Variants in CWC27 observed in about 807,000 individuals in gnomAD.
CWC27 encodes spliceosome-associated protein CWC27 homolog.
In CWC27, 47 loss-of-function variants were observed where a neutral mutation model predicts 63.6. The observed-to-expected ratio is 0.74, with a 90% confidence interval of 0.58 to 0.94. The LOEUF (loss-of-function observed/expected upper bound fraction) is 0.94, where lower values mean the gene tolerates loss of function less well. Ranked by LOEUF, CWC27 falls within the 40% of genes least tolerant of loss-of-function variation. The pLI, the probability that CWC27 is intolerant of heterozygous loss-of-function variation, is 0.00. For missense variants in CWC27, 495 were observed against 554.3 expected (o/e 0.89, Z 1.07); for synonymous variants, 175 against 179.8 (o/e 0.97, Z 0.22).
rs141017155 is a variant in CWC27 at position 64,804,368 on chromosome 5, A to T, written c.920A>T (p.Lys307Met). The T allele has an allele frequency of 1.7e-5, 27 of 1,611,794 alleles. No individual in the cohort carries two copies. In the African/African-American group the frequency reaches 3.1e-4, roughly 18 times the overall value. ...TCAGCTGGAGAAGGAGAAGTGGAGAAGAAATCAGTCAGCCGCAGGTGAGTC... is the reference window on the plus strand; with the variant it reads ...TCAGCTGGAGAAGGAGAAGTGGAGATGAAATCAGTCAGCCGCAGGTGAGTC... ...VKSAGEGEVE[K>M]KSVSRSEELR... The change falls in exon 10 of 14, where the codon AAG becomes ATG. Residue 307 changes from lysine (K) to methionine (M), a missense_variant. Transcript: ENST00000381070.
intron 11 of CWC27, among the ~76,000 whole-genome samples, chr5:64,968,807 A>G (rs1428118381): frequency 6.6e-6 from 1 of 152,240 alleles, no homozygotes; most frequent in Non-Finnish European, 1.5e-5. Context: ...CACATTTTAT[A>G]TACAAAATTA....
chr5:64,870,319 G>A (rs1408503246), intron 10 of CWC27, among the ~76,000 whole-genome samples: 1 of 151,978 alleles, frequency 6.6e-6, no homozygotes, highest in Non-Finnish European at 1.5e-5. Context: ...ACACCCTGTG[G>A]TAAAATTTAT....
chr5:64,878,097 A>G (rs916728464), intron 10 of CWC27, among the ~76,000 whole-genome samples: 3 of 151,856 alleles, frequency 2.0e-5, no homozygotes, highest in African/African-American at 7.2e-5. Context: ...TACTTAAACT[A>G]TTTTTCTGTG....
intron 13 of CWC27, among the ~76,000 whole-genome samples, chr5:64,982,194 C>G (rs1749340977): frequency 6.6e-6 from 1 of 152,142 alleles, no homozygotes. Context: ...TTATAAGATA[C>G]CATGAAAGAA....
At chr5:64,770,645 A>G (rs1238164530) in intron 1 of CWC27, among the ~76,000 whole-genome samples, 1 of 152,202 alleles carries the variant, frequency 6.6e-6, no homozygotes, top group Non-Finnish European at 1.5e-5. Context: ...CCCCCTATAG[A>G]ATGTAAGGAA....
At chr5:64,846,419 G>A (rs906516896) in intron 10 of CWC27, among the ~76,000 whole-genome samples, 2 of 152,218 alleles carry the variant, frequency 1.3e-5, no homozygotes, top group Admixed American at 6.5e-5. Context: ...AAAAAGTATA[G>A]AATTGTTGTA....
chr5:64,783,156 G>A (rs114135249), intron 3 of CWC27, among the ~76,000 whole-genome samples: 194 of 152,280 alleles, frequency 1.3e-3, no homozygotes, highest in African/African-American at 4.4e-3. Context: ...AAGCATTTAT[G>A]ATATAACATG....
At chr5:64,864,670 A>G (rs1478903516) in intron 10 of CWC27, among the ~76,000 whole-genome samples, 1 of 152,134 alleles carries the variant, frequency 6.6e-6, no homozygotes, top group Non-Finnish European at 1.5e-5. Context: ...TTTTTACTTA[A>G]GTTGTTTTTA....
chr5:64,859,206 T>C (rs1010627643), intron 10 of CWC27, among the ~76,000 whole-genome samples: 4 of 152,108 alleles, frequency 2.6e-5, no homozygotes, highest in Non-Finnish European at 5.9e-5. Flanking sequence ...TTGTTAGAAG[T>C]AGCAACTAAT....
intron 10 of CWC27, among the ~76,000 whole-genome samples, chr5:64,811,542 T>C (rs1744878943): frequency 1.3e-5 from 2 of 152,060 alleles, no homozygotes; most frequent in Non-Finnish European, 2.9e-5. Context: ...ATCACAATCA[T>C]TAAAAATTTC....
chr5:65,003,442 G>T lies in CWC27; in HGVS notation c.1257-14717G>T, dbSNP rs985015902. Among the ~76,000 whole-genome samples, 5 of 152,028 alleles carry T rather than the reference G, an allele frequency of 3.3e-5. No homozygotes were observed. The East Asian group carries it at 5.8e-4, about 18-fold the overall frequency. ...TGTTGCAGTTTTATGATCTTCTGTA[G>T]TGGTAATGTTAGACTCCTTTCTCTT... On this transcript the variant is annotated intron_variant, in intron 13 of 13. Coordinates refer to ENST00000381070, the MANE Select transcript of CWC27 (RefSeq NM_005869.4).
intron 13 of CWC27, among the ~76,000 whole-genome samples, chr5:64,999,619 T>G (rs1237592516): frequency 6.6e-6 from 1 of 152,120 alleles, no homozygotes; most frequent in Non-Finnish European, 1.5e-5. Flanking sequence ...TTATTTCACT[T>G]AACATCATGG....
At chr5:64,872,511 G>A (rs919252397) in intron 10 of CWC27, among the ~76,000 whole-genome samples, 5 of 152,136 alleles carry the variant, frequency 3.3e-5, no homozygotes, top group Admixed American at 2.6e-4. Flanking sequence ...GATACATGCC[G>A]ATGAAAGTCT....
intron 11 of CWC27, among the ~76,000 whole-genome samples, chr5:64,913,053 T>G (rs1031971519): frequency 3.9e-5 from 6 of 152,164 alleles, no homozygotes; most frequent in Non-Finnish European, 5.9e-5. Context: ...ACATCATACA[T>G]CCTGACAAAT....
At chr5:64,923,510 T>C (rs1365231667) in intron 11 of CWC27, among the ~76,000 whole-genome samples, 1 of 149,616 alleles carries the variant, frequency 6.7e-6, no homozygotes, top group Non-Finnish European at 1.5e-5. Flanking sequence ...GAGTCATCTC[T>C]CTAACCTCTC....
chr5:64,877,006 T>C (rs1174797186), intron 10 of CWC27, among the ~76,000 whole-genome samples: 3 of 152,062 alleles, frequency 2.0e-5, no homozygotes, highest in African/African-American at 7.2e-5. Context: ...TATGTAGTTA[T>C]TTATTTATAG....
chr5:64,883,513 A>C (rs995100589), intron 10 of CWC27, among the ~76,000 whole-genome samples: 7 of 152,222 alleles, frequency 4.6e-5, no homozygotes, highest in African/African-American at 1.7e-4. Context: ...AAGAGTAACC[A>C]GGAGAAGAAT....
chr5:64,894,366 G>C (rs941273768), intron 11 of CWC27, among the ~76,000 whole-genome samples: 2 of 152,124 alleles, frequency 1.3e-5, no homozygotes, highest in African/African-American at 2.4e-5. Context: ...GTTTTTCAAT[G>C]TGATCCAACC....
At chr5:64,852,479 T>A (rs544127911) in intron 10 of CWC27, among the ~76,000 whole-genome samples, 235 of 62,768 alleles carry the variant, frequency 3.7e-3, no homozygotes, top group African/African-American at 0.015. Flanking sequence ...GACGAAAACC[T>A]TTTTTTTTTT....
Sources: gnomAD v4.1 joint callset for allele counts (sites outside exome capture counted in the v4.1 genomes callset) on GRCh38, gnomAD v4.1.1 for gene constraint, MANE v1.5 for transcripts, NCBI Gene and HGNC (gene_info 2026-07-23, HGNC 2026-07-21) for gene names.